PCDHA4: variants seen among roughly 807,000 people sequenced by gnomAD.
PCDHA4 encodes protocadherin alpha 4.
PCDHA4 carries 49 observed loss-of-function variants against 61.4 expected under a neutral mutation model. The observed-to-expected ratio is 0.80, with a 90% CI of 0.63 to 1.01. The LOEUF (loss-of-function observed/expected upper bound fraction) is 1.01. Among genes scored for constraint, PCDHA4 ranks in the 50% least tolerant of loss-of-function variants. The pLI is 0.00. For missense variants in PCDHA4, 1,254 were observed against 1,235.8 expected (o/e 1.01, Z -0.22); for synonymous variants, 590 against 550.3 (o/e 1.07, Z -1.01).
In PCDHA4 at chr5:140,841,101, CG is replaced by C. The variant is rs1220554123; in HGVS notation, c.2385+31531del. 6.9e-6 allele frequency: 4 copies of C among 575,664 alleles called. No individual in the cohort carries two copies. The African/African-American group carries it at 7.5e-5, about 11-fold the overall frequency. The allele number at this position is 575,664 out of a possible 1,614,324, so 35.7% of individuals were successfully genotyped here. A position where few individuals can be genotyped will look rare whatever the true frequency, so the allele number is the denominator to read the frequency against. ...AGTGCATAGAAGAACCCAGATATTG[CG>C]GAAGTAATTCATGTAATCATTACCT... On this transcript the variant is annotated intron_variant, in intron 1 of 3. Coordinates refer to ENST00000530339, the MANE Select transcript of PCDHA4 (RefSeq NM_018907.4).
At chr5:140,870,426 C>T in intron 1 of PCDHA4, 2 of 1,614,208 alleles carry the variant, frequency 1.2e-6, no homozygotes, top group South Asian at 2.2e-5. Context: ...CCAGGGTATC[C>T]GTGGAGGTGG....
chr5:141,001,401 G>A (rs190876782), intron 3 of PCDHA4, among the ~76,000 whole-genome samples: 12 of 152,314 alleles, frequency 7.9e-5, no homozygotes, highest in African/African-American at 2.4e-4. Context: ...AGAGAACAGG[G>A]AGTATATTTT....
At chr5:140,956,132 C>A (rs782171826) in intron 1 of PCDHA4, among the ~76,000 whole-genome samples, 1 of 152,028 alleles carries the variant, frequency 6.6e-6, no homozygotes, top group African/African-American at 2.4e-5. Context: ...ATTTGAATAC[C>A]CTTTATTTCT....
At chr5:140,844,934 G>T (rs1554140786) in intron 1 of PCDHA4, among the ~76,000 whole-genome samples, 1 of 149,226 alleles carries the variant, frequency 6.7e-6, no homozygotes, top group African/African-American at 2.5e-5. Context: ...GGGAATGAAC[G>T]ATTTCTGGGA....
At chr5:140,862,769 C>A (rs782429555) in intron 1 of PCDHA4, 1 of 578,770 alleles carries the variant, frequency 1.7e-6, no homozygotes. Context: ...AAGAGGTACG[C>A]GTTGCAGCCA....
chr5:140,837,994 C>CT lies in PCDHA4; in HGVS notation c.2385+28430dup, dbSNP rs2150281652. Among the ~76,000 whole-genome samples, 95 of 150,614 alleles carry CT rather than the reference C, an allele frequency of 6.3e-4. 1 individual carries two copies. Among genetic ancestry groups the CT allele is most frequent in the African/African-American group, 9.0e-4 (37 of 40,918 alleles). On this transcript the variant is annotated intron_variant, in intron 1 of 3. Transcript: ENST00000530339. ...ACACCCAGCCTGCCTTTCATCTTTC[C>CT]TTTTTTTTAAAAAAAGAAGTGATTA... is the stretch of plus-strand genomic sequence containing the variant.
At chr5:140,912,243 AATCTCCTTTGATGAC>A (rs2075829981) in intron 1 of PCDHA4, among the ~76,000 whole-genome samples, 1 of 152,012 alleles carries the variant, frequency 6.6e-6, no homozygotes, top group Admixed American at 6.6e-5. Context: ...CTCAAATGTT[AATCTCCTTTGATGAC>A]ACCCTCACAG....
intron 1 of PCDHA4, among the ~76,000 whole-genome samples, chr5:140,892,821 T>C (rs2063687425): frequency 6.6e-6 from 1 of 152,210 alleles, no homozygotes; most frequent in Non-Finnish European, 1.5e-5. Context: ...TATCCTACAG[T>C]GCTACAGTGC....
At chr5:140,852,737 C>A in intron 1 of PCDHA4, 1 of 983,808 alleles carries the variant, frequency 1.0e-6, no homozygotes, top group Non-Finnish European at 1.2e-6. Context: ...GTTTCATGTG[C>A]CATTTAAACT....
chr5:140,823,389 C>A lies in PCDHA4; in HGVS notation c.2385+13817C>A, dbSNP rs199642773. 1.6e-5 allele frequency: 25 copies of A among 1,612,876 alleles called. No individual in the cohort carries two copies. The highest frequency in any genetic ancestry group is 1.7e-4 in the Middle Eastern group (1 of 5,730). On this transcript the variant is annotated intron_variant, in intron 1 of 3. Coordinates refer to ENST00000530339, the MANE Select transcript of PCDHA4 (RefSeq NM_018907.4). ...TGCAGTTCCAGGTGAGCGCGCGCGACGCGGGCGTGCCGCCTCTGGGCAGCA... is the reference window on the plus strand; with the variant it reads ...TGCAGTTCCAGGTGAGCGCGCGCGAAGCGGGCGTGCCGCCTCTGGGCAGCA...
intron 1 of PCDHA4, among the ~76,000 whole-genome samples, chr5:140,917,358 C>T (rs2153543502): frequency 6.7e-6 from 1 of 149,798 alleles, no homozygotes; most frequent in East Asian, 1.9e-4. Flanking sequence ...GCTTCTGTTC[C>T]ACTATCTTGC....
At chr5:140,887,431 A>C (rs2061444829) in intron 1 of PCDHA4, among the ~76,000 whole-genome samples, 1 of 152,112 alleles carries the variant, frequency 6.6e-6, no homozygotes, top group African/African-American at 2.4e-5. Context: ...AAGTATTTTC[A>C]CTGGGCATAG....
intron 1 of PCDHA4, among the ~76,000 whole-genome samples, chr5:140,855,007 T>C (rs1224641648): frequency 6.7e-6 from 1 of 149,970 alleles, no homozygotes; most frequent in Non-Finnish European, 1.5e-5. Context: ...TAAGATATTA[T>C]AAAATGAAAC....
chr5:140,906,718 G>C (rs1554192673), intron 1 of PCDHA4, among the ~76,000 whole-genome samples: 1 of 152,140 alleles, frequency 6.6e-6, no homozygotes, highest in Admixed American at 6.5e-5. Flanking sequence ...TGCCTGGATT[G>C]TGCTGTTGTA....
In PCDHA4 at chr5:140,825,021, A is replaced by G. The variant is rs193145934; in HGVS notation, c.2385+15449A>G. The stretch of plus-strand genomic sequence containing the variant: ...ATGGTTTACTGTTCTAAAGGTGCAA[A>G]AGAATACAGTTAAATTTTCCCTTTC... On this transcript the variant is annotated intron_variant, in intron 1 of 3. Coordinates refer to ENST00000530339, the MANE Select transcript of PCDHA4 (RefSeq NM_018907.4). 2.8e-3 allele frequency: 423 copies of G among 152,172 alleles called. 3 individuals are homozygous for G. Among genetic ancestry groups the G allele is most frequent in the African/African-American group, 9.5e-3 (394 of 41,534 alleles). 9.4% of individuals were successfully genotyped at this position (152,172 alleles called of 1,614,324 possible). A position where few individuals can be genotyped will look rare whatever the true frequency, so the allele number is the denominator to read the frequency against.
intron 1 of PCDHA4, chr5:140,862,499 G>T (rs1581644581): frequency 2.5e-6 from 1 of 396,118 alleles, no homozygotes; most frequent in East Asian, 6.8e-5. Flanking sequence ...CGCTCGGAAT[G>T]GGGACTCGCT....
intron 3 of PCDHA4, among the ~76,000 whole-genome samples, chr5:141,007,590 GATA>G (rs1332143320): frequency 4.0e-5 from 6 of 151,858 alleles, no homozygotes; most frequent in Non-Finnish European, 8.8e-5. Context: ...TAATAATCAT[GATA>G]ATAATAAAAG....
chr5:140,968,868 A>G, intron 1 of PCDHA4: 6 of 1,614,140 alleles, frequency 3.7e-6, no homozygotes, highest in Non-Finnish European at 5.1e-6. Flanking sequence ...CCTCGGACAT[A>G]CTCTGAAATT....
At position 140,841,280 on chromosome 5, in the gene PCDHA4, T is replaced by C. The variant is rs2150312554; in HGVS notation, c.2385+31708T>C. Reference sequence around the variant, plus strand: ...CTCTGAAAGTACAGTCGTTCATCTTTATATTAAGATAATATTTTCTGATAG... The same window carrying C: ...CTCTGAAAGTACAGTCGTTCATCTTCATATTAAGATAATATTTTCTGATAG... On this transcript the variant is annotated intron_variant, in intron 1 of 3. Transcript: ENST00000530339. The C allele has an allele frequency of 2.7e-3, 4,162 of 1,542,382 alleles. 127 individuals are homozygous for C. The African/African-American group carries it at 0.05, about 19-fold the overall frequency.
Sources: allele counts gnomAD v4.1 joint callset (sites outside exome capture counted in the v4.1 genomes callset), GRCh38; gene constraint gnomAD v4.1.1; transcripts MANE v1.5; gene names NCBI Gene and HGNC (gene_info 2026-07-23, HGNC 2026-07-21).